Variants in NFATC3 observed in about 807,000 individuals in gnomAD.
NFATC3 encodes nuclear factor of activated T cells 3, also known as nuclear factor of activated T-cells, cytoplasmic 3.
In NFATC3, 46 loss-of-function variants were observed where a neutral mutation model predicts 98.6. That is an observed-to-expected ratio of 0.47 (90% CI 0.37 to 0.60). NFATC3 has a LOEUF of 0.60. NFATC3 is among the 20% of genes least tolerant of loss of function. NFATC3 has a pLI of 0.00. For synonymous variants in NFATC3, 512 were observed against 472.2 expected (o/e 1.08, Z -1.09); for missense variants, 1,256 against 1,295.5 (o/e 0.97, Z 0.47).
intron 1 of NFATC3, among the ~76,000 whole-genome samples, chr16:68,087,332 A>G (rs547860980): frequency 3.9e-5 from 6 of 152,244 alleles, no homozygotes; most frequent in African/African-American, 1.2e-4. Flanking sequence ...GGAATTGTAT[A>G]TACAACCAAA....
rs2036616940 is a variant in NFATC3 at position 68,122,335 on chromosome 16, T to C, written c.452T>C (p.Leu151Pro). Reference protein sequence around the residue: ...LERPSRDHLYLPLEPSYRESS... With the variant: ...LERPSRDHLYPPLEPSYRESS... ...AGGCCTTCTAGAGATCATCTCTATC[T>C]TCCTCTTGAGCCATCCTACCGGGAG... Residue 151 changes from leucine (L) to proline (P), a missense_variant, in exon 2 of 10, where the codon CTT becomes CCT. This residue lies in a region of NFATC3 where 464 missense variants were observed against 465.7 expected (regional missense o/e 1.00). Coordinates refer to ENST00000346183, the MANE Select transcript of NFATC3 (RefSeq NM_173165.3). The C allele has an allele frequency of 6.2e-7, 1 of 1,614,040 alleles. No homozygotes were observed. Among genetic ancestry groups the C allele is most frequent in the Admixed American group, 1.7e-5 (1 of 59,994 alleles).
chr16:68,213,983 T>C (rs1431998832), intron 9 of NFATC3, among the ~76,000 whole-genome samples: 3 of 152,258 alleles, frequency 2.0e-5, no homozygotes, highest in Non-Finnish European at 4.4e-5. Flanking sequence ...AATTTTGATG[T>C]AGCCTTAGCC....
intron 5 of NFATC3, among the ~76,000 whole-genome samples, chr16:68,174,032 A>G (rs2039585261): frequency 6.6e-6 from 1 of 152,156 alleles, no homozygotes; most frequent in South Asian, 2.1e-4. Flanking sequence ...CTGTAACCCC[A>G]GCTACTTGGG....
intron 1 of NFATC3, among the ~76,000 whole-genome samples, chr16:68,096,200 G>A (rs1186112145): frequency 6.6e-6 from 1 of 152,056 alleles, no homozygotes; most frequent in African/African-American, 2.4e-5. Flanking sequence ...TCCTGGGCCT[G>A]AGCAGTCCTC....
Position 68,153,802 on chromosome 16 carries a change from A to G in NFATC3, c.1402-4067A>G, listed in dbSNP as rs2038467118. 3.3e-5 allele frequency among the ~76,000 whole-genome samples: 5 copies of G among 151,814 alleles called. No individual in the cohort carries two copies. The South Asian group carries it at 1.0e-3, about 32-fold the overall frequency. On this transcript the variant is annotated intron_variant, in intron 3 of 9. Coordinates refer to ENST00000346183, the MANE Select transcript of NFATC3 (RefSeq NM_173165.3). Reference sequence around the variant, plus strand: ...CTAATTTTTTGTGTTTTTAGTAGAGATGGAGTTTCACCGTGTTAGCCAGGA... The same window carrying G: ...CTAATTTTTTGTGTTTTTAGTAGAGGTGGAGTTTCACCGTGTTAGCCAGGA...
intron 1 of NFATC3, among the ~76,000 whole-genome samples, chr16:68,108,431 T>G (rs2035780098): frequency 6.6e-6 from 1 of 152,174 alleles, no homozygotes; most frequent in African/African-American, 2.4e-5. Context: ...GTTTCATTGG[T>G]CTTTGTGTCT....
chr16:68,098,981 C>T (rs2035193883), intron 1 of NFATC3, among the ~76,000 whole-genome samples: 1 of 152,182 alleles, frequency 6.6e-6, no homozygotes, highest in Non-Finnish European at 1.5e-5. Flanking sequence ...TCTTGCATAA[C>T]TATAGTACAA....
At chr16:68,146,781 G>A (rs1401388083) in intron 3 of NFATC3, among the ~76,000 whole-genome samples, 1 of 152,196 alleles carries the variant, frequency 6.6e-6, no homozygotes, top group Non-Finnish European at 1.5e-5. Context: ...CTTTGCTATG[G>A]AAACGATACA....
intron 1 of NFATC3, among the ~76,000 whole-genome samples, chr16:68,109,638 CG>C (rs762752620): frequency 3.4e-4 from 51 of 152,198 alleles, no homozygotes; most frequent in Admixed American, 1.8e-3. Context: ...GGAATAGTTT[CG>C]GAAGAAATGG....
chr16:68,108,206 T>G (rs1461887415), intron 1 of NFATC3, among the ~76,000 whole-genome samples: 1 of 152,218 alleles, frequency 6.6e-6, no homozygotes, highest in African/African-American at 2.4e-5. Flanking sequence ...TTTTATAGTT[T>G]GGGGTTTTAC....
intron 3 of NFATC3, among the ~76,000 whole-genome samples, chr16:68,134,466 T>TA (rs2037283748): frequency 6.6e-6 from 1 of 152,178 alleles, no homozygotes; most frequent in Admixed American, 6.5e-5. Context: ...ATGCTGGAAT[T>TA]ACAGACGTGA....
intron 3 of NFATC3, among the ~76,000 whole-genome samples, chr16:68,138,192 C>T (rs904872689): frequency 2.0e-5 from 3 of 151,956 alleles, no homozygotes; most frequent in Non-Finnish European, 4.4e-5. Context: ...CCCACCAACA[C>T]ACCCACCCAG....
intron 3 of NFATC3, among the ~76,000 whole-genome samples, chr16:68,155,697 G>C (rs2038575836): frequency 6.6e-6 from 1 of 152,136 alleles, no homozygotes; most frequent in South Asian, 2.1e-4. Context: ...TTCAGACACA[G>C]TTTAAGAGCT....
At position 68,191,497 on chromosome 16, in the gene NFATC3, C is replaced by G. The variant is rs2040413229; in HGVS notation, c.2828C>G (p.Pro943Arg). Residue 943 changes from proline (P) to arginine (R), a missense_variant, in exon 9 of 10, where the codon CCA becomes CGA. Coordinates refer to ENST00000346183, the MANE Select transcript of NFATC3 (RefSeq NM_173165.3). Reference sequence around the variant, plus strand: ...GCTAGTTCACCGCTTTCTGGGCCACCATCTCCTCAGCTTCAGCCTATGCCT... The same window carrying G: ...GCTAGTTCACCGCTTTCTGGGCCACGATCTCCTCAGCTTCAGCCTATGCCT... ...PLASSPLSGP[P>R]SPQLQPMPYQ... is the part of the protein sequence containing the mutation. The G allele has an allele frequency of 6.2e-7, 1 of 1,614,136 alleles. No individual in the cohort carries two copies. Among genetic ancestry groups the G allele is most frequent in the Non-Finnish European group, 8.5e-7 (1 of 1,180,034 alleles).
chr16:68,115,770 T>G (rs1345156767), intron 1 of NFATC3, among the ~76,000 whole-genome samples: 2 of 152,134 alleles, frequency 1.3e-5, no homozygotes, highest in East Asian at 3.8e-4. Context: ...TTTTTTTTCT[T>G]TTCCTGTGAG....
chr16:68,157,253 T>C (rs2038669007), intron 3 of NFATC3, among the ~76,000 whole-genome samples: 1 of 152,138 alleles, frequency 6.6e-6, no homozygotes, highest in African/African-American at 2.4e-5. Context: ...TCTTTCTCTT[T>C]CCCGAAGATT....
At chr16:68,218,361 G>A (rs752667235) in intron 9 of NFATC3, among the ~76,000 whole-genome samples, 5 of 151,534 alleles carry the variant, frequency 3.3e-5, no homozygotes, top group Non-Finnish European at 7.4e-5. Flanking sequence ...GATCACTTGA[G>A]TTCAGGAGTT....
At chr16:68,224,647 G>A (rs535961036) in intron 9 of NFATC3, 1 of 146,042 alleles carries the variant, frequency 6.8e-6, no homozygotes, top group African/African-American at 2.6e-5. Flanking sequence ...GCACAATCTC[G>A]GCTCACTGCA....
chr16:68,226,707 A>G lies in NFATC3; in HGVS notation c.*236A>G, dbSNP rs2042043487. 1.7e-5 allele frequency: 6 copies of G among 344,792 alleles called. No homozygotes were observed. Among genetic ancestry groups the G allele is most frequent in the Non-Finnish European group, 3.1e-5 (6 of 193,404 alleles). The allele number at this position is 344,792 out of a possible 1,614,324, so 21.4% of individuals were successfully genotyped here. On this transcript the variant is annotated 3_prime_UTR_variant, in exon 10 of 10. Transcript: ENST00000346183. ...ACTTTGCTTTTTATATTTAACTAGG[A>G]TACTTTTATATGATGGGTGCTTTGA...
Sources: allele counts gnomAD v4.1 joint callset (sites outside exome capture counted in the v4.1 genomes callset), GRCh38; gene constraint gnomAD v4.1.1; regional missense constraint gnomAD v4.1.1; transcripts MANE v1.5; gene names NCBI Gene and HGNC (gene_info 2026-07-23, HGNC 2026-07-21).